The following RPS24 variants were observed in gnomAD, a reference collection of about 807,000 sequenced individuals.
The protein encoded by RPS24 is small ribosomal subunit protein eS24.
For missense variants in RPS24, 100 were observed against 162.5 expected (o/e 0.62, Z 2.09); for synonymous variants, 72 against 55.6 (o/e 1.30, Z -1.31).
At chr10:78,044,867 T>G (rs1485152065), downstream of RPS24, among the ~76,000 whole-genome samples, 3 of 151,660 alleles carry the variant, frequency 2.0e-5, no homozygotes, top group African/African-American at 7.3e-5. Flanking sequence ...GATTGTGTGT[T>G]CTTTTCACAT....
rs145427721 is a variant in RPS24 at position 78,037,992 on chromosome 10, T to C, written c.390+688T>C. ...ATGAAGTGTCTAGCAGGTACTGAGATTGTAAGCACGGTGTGGGGATGCATC... is the reference window on the plus strand; with the variant it reads ...ATGAAGTGTCTAGCAGGTACTGAGACTGTAAGCACGGTGTGGGGATGCATC... On this transcript the variant is annotated intron_variant, in intron 4 of 5. Transcript: ENST00000372360. 49 of 1,293,296 alleles carry C rather than the reference T, an allele frequency of 3.8e-5. No individual in the cohort carries two copies. In the African/African-American group the frequency reaches 6.6e-4, roughly 17 times the overall value. 80.1% of individuals were successfully genotyped at this position (1,293,296 alleles called of 1,614,324 possible).
At chr10:78,046,670 C>G (rs528869106) in intron 4 of RPS24, among the ~76,000 whole-genome samples, 1 of 152,002 alleles carries the variant, frequency 6.6e-6, no homozygotes, top group African/African-American at 2.4e-5. Context: ...TACCTGCACT[C>G]GGAGGGAAGT....
intron 4 of RPS24, chr10:78,039,090 G>C (rs1847937042): frequency 6.6e-6 from 1 of 152,196 alleles, no homozygotes; most frequent in Non-Finnish European, 1.5e-5. Context: ...AGGCAAGGCA[G>C]TAAACCTGGG....
intron 3 of RPS24, 145 bp downstream of exon 3, chr10:78,035,865 G>GAAATA: frequency 1.3e-6 from 1 of 761,124 alleles, no homozygotes; most frequent in South Asian, 1.5e-5. Flanking sequence ...TTCATAAAAT[G>GAAATA]CACAGGTGGA....
chr10:78,042,997 GCA>G (rs1020747163), downstream of RPS24, among the ~76,000 whole-genome samples: 5 of 114,528 alleles, frequency 4.4e-5, no homozygotes, highest in African/African-American at 1.3e-4. Flanking sequence ...ATCTGCGCGC[GCA>G]CACACATACA....
Position 78,050,254 on chromosome 10 carries a change from C to G in RPS24, c.391-4277C>G, listed in dbSNP as rs568401065. Among the ~76,000 whole-genome samples the G allele has an allele frequency of 6.6e-5, 10 of 152,286 alleles. No individual in the cohort carries two copies. The East Asian group carries it at 1.7e-3, about 26-fold the overall frequency. ...TTTTATTGCTCCCCATTCCAAACTT[C>G]CGGCCAGATTAGTTAGACCTGCATC... On this transcript the variant is annotated intron_variant, in intron 4 of 4. Coordinates refer to the RPS24 transcript ENST00000440692.
intron 4 of RPS24, among the ~76,000 whole-genome samples, chr10:78,050,496 G>C (rs1456128189): frequency 6.6e-6 from 1 of 152,214 alleles, no homozygotes; most frequent in African/African-American, 2.4e-5. Context: ...TTTAAAAAGA[G>C]AATAAGAGCT....
Position 78,035,519 on chromosome 10 carries a change from T to A in RPS24, c.78T>A (p.Asp26Glu). ...RLLQRKQMVI[D>E]VLHPGKATVP... is the part of the protein sequence containing the mutation. The stretch of plus-strand genomic sequence containing the variant: ...TTGATATCTCCTTTTAGGTCATTGA[T>A]GTCCTTCACCCCGGGAAGGCGACAG... Residue 26 changes from aspartate (D) to glutamate (E), a missense_variant, in exon 3 of 6, where the codon GAT becomes GAA. Physicochemically the swap from Asp to Glu is conservative, Grantham distance 45. Coordinates refer to ENST00000372360, the MANE Select transcript of RPS24 (RefSeq NM_033022.4). The A allele has an allele frequency of 6.2e-7, 1 of 1,614,204 alleles. No homozygotes were observed. The highest frequency in any genetic ancestry group is 8.5e-7 in the Non-Finnish European group (1 of 1,180,018).
intron 4 of RPS24, among the ~76,000 whole-genome samples, chr10:78,047,897 C>T (rs1244476504): frequency 1.3e-5 from 2 of 152,210 alleles, no homozygotes; most frequent in Admixed American, 1.3e-4. Context: ...GGCCACAGTG[C>T]TGGGTCCAAG....
intron 4 of RPS24, chr10:78,054,527 G>A: frequency 6.5e-7 from 1 of 1,531,320 alleles, no homozygotes. Context: ...TCCCGCTTTT[G>A]CAGATGAGGG....
downstream of RPS24, among the ~76,000 whole-genome samples, chr10:78,044,858 A>C (rs1253396987): frequency 6.6e-6 from 1 of 151,342 alleles, no homozygotes; most frequent in Non-Finnish European, 1.5e-5. Context: ...TCTGCAGTGG[A>C]TTGTGTGTTC....
downstream of RPS24, among the ~76,000 whole-genome samples, chr10:78,041,807 GA>G (rs1371775805): frequency 2.8e-4 from 43 of 152,168 alleles, no homozygotes; most frequent in Admixed American, 2.1e-3. Context: ...AAGCAATTGA[GA>G]ACTGAAGGGT....
At chr10:78,044,710 A>G (rs1396062470), downstream of RPS24, among the ~76,000 whole-genome samples, 3 of 151,082 alleles carry the variant, frequency 2.0e-5, no homozygotes, top group East Asian at 5.8e-4. Context: ...ATGAGAGGGT[A>G]CAGGTGAGGT....
downstream of RPS24, among the ~76,000 whole-genome samples, chr10:78,044,807 T>A (rs148152915): frequency 7.3e-5 from 11 of 150,606 alleles, no homozygotes; most frequent in East Asian, 2.1e-3. Flanking sequence ...ACTTGTTCAG[T>A]GTTTTGGTTA....
rs200489620 is a variant in RPS24 at position 78,033,895 on chromosome 10, C to T, written c.-7C>T. 2.4e-5 allele frequency: 39 copies of T among 1,613,966 alleles called. No homozygotes were observed. The highest frequency in any genetic ancestry group is 5.0e-5 in the Admixed American group (3 of 60,010). On this transcript the variant is annotated 5_prime_UTR_variant, in exon 1 of 6. Coordinates refer to ENST00000372360, the MANE Select transcript of RPS24 (RefSeq NM_033022.4). ...CCTCCTTGGCTGTCTGAAGATAGATCGCCATCATGGTGAGTCTCCCTGGGC... is the reference window on the plus strand; with the variant it reads ...CCTCCTTGGCTGTCTGAAGATAGATTGCCATCATGGTGAGTCTCCCTGGGC...
downstream of RPS24, among the ~76,000 whole-genome samples, chr10:78,041,998 C>G (rs2131986754): frequency 2.6e-5 from 4 of 152,262 alleles, 1 homozygote; most frequent in Admixed American, 2.6e-4. Context: ...CAGGCTTGGC[C>G]TATTTTTCCA....
rs183313792 is a variant in RPS24 at position 78,046,070 on chromosome 10, C to T, written c.391-8461C>T. ...AGTAGATCTGGGTAGCGCCCAAGCA[C>T]CTGATGTTTTAATAGCTTCCCAGGT... On this transcript the variant is annotated intron_variant, in intron 4 of 4. Transcript: ENST00000440692. Among the ~76,000 whole-genome samples the T allele has an allele frequency of 1.4e-4, 21 of 152,102 alleles. 1 individual carries two copies. Among genetic ancestry groups the T allele is most frequent in the African/African-American group, 4.6e-4 (19 of 41,498 alleles).
intron 3 of RPS24, chr10:78,036,163 C>T (rs1218971523): frequency 4.6e-6 from 1 of 216,798 alleles, no homozygotes; most frequent in Non-Finnish European, 9.4e-6. Flanking sequence ...CCCCAGCTTA[C>T]ATTCTAGTAA....
At position 78,033,983 on chromosome 10, in the gene RPS24, A is replaced by G. The variant is rs73300610; in HGVS notation, c.3+79A>G. Reference sequence around the variant, plus strand: ...GTCCCTGGGTCCCAGTACTTGAGCTATAGGCACGCGAAGCCCGGTTGCTCT... The same window carrying G: ...GTCCCTGGGTCCCAGTACTTGAGCTGTAGGCACGCGAAGCCCGGTTGCTCT... On this transcript the variant is annotated intron_variant, in intron 1 of 5. Transcript: ENST00000372360. The G allele has an allele frequency of 4.1e-4, 641 of 1,565,488 alleles. 3 individuals carry two copies. In the African/African-American group the frequency reaches 6.1e-3, roughly 15 times the overall value.
Sources: gnomAD v4.1 joint callset for allele counts (sites outside exome capture counted in the v4.1 genomes callset) on GRCh38, gnomAD v4.1.1 for gene constraint, MANE v1.5 for transcripts, NCBI Gene and HGNC (gene_info 2026-07-23, HGNC 2026-07-21) for gene names.